Variants in OCEL1 observed in about 807,000 individuals in gnomAD.
OCEL1 encodes occludin/ELL domain containing 1.
Under a neutral mutation model 29.4 loss-of-function variants are expected in OCEL1, and 24 were observed. That is an observed-to-expected ratio of 0.82 (90% CI 0.59 to 1.15). OCEL1 has a LOEUF of 1.15. Ranked by LOEUF, OCEL1 falls within the 50% of genes most tolerant of loss-of-function variation. OCEL1 has a pLI of 0.00. For missense variants in OCEL1, 402 were observed against 352.5 expected, an observed-to-expected ratio of 1.14 and a Z score of -1.13; for synonymous variants, 172 against 145.3, an observed-to-expected ratio of 1.18 and a Z score of -1.32.
chr19:17,226,571 C>G (rs760321919), intron 1 of OCEL1, 122 bp from the exon 2 acceptor site: 1 of 1,126,670 alleles, frequency 8.9e-7, no homozygotes, highest in Non-Finnish European at 1.2e-6. Flanking sequence ...ATGCAAATAG[C>G]GGTCGTTCTG....
In OCEL1 at chr19:17,227,206, G is replaced by A. The variant is rs1160355255; in HGVS notation, c.452+7G>A. On this transcript the variant is annotated splice_region_variant and intron_variant, in intron 3 of 5. Coordinates refer to ENST00000215061, the MANE Select transcript of OCEL1 (RefSeq NM_024578.3). Reference sequence around the variant, plus strand: ...CAGTGCCCGACTATGAGCTGTGAGTGTCCCCCATGTGATTCTTCATGCCTG... The same window carrying A: ...CAGTGCCCGACTATGAGCTGTGAGTATCCCCCATGTGATTCTTCATGCCTG... 1.4e-6 allele frequency: 2 copies of A among 1,476,210 alleles called. No individual in the cohort carries two copies. The highest frequency in any genetic ancestry group is 2.6e-5 in the Admixed American group (1 of 38,802). 91.4% of individuals were successfully genotyped at this position (1,476,210 alleles called of 1,614,324 possible). A position where few individuals can be genotyped will look rare whatever the true frequency, so the allele number is the denominator to read the frequency against.
At position 17,226,712 on chromosome 19, in the gene OCEL1, C is replaced by A. The variant is rs761673169; in HGVS notation, c.89C>A (p.Pro30Gln). The change falls in exon 2 of 6, where the codon CCG (proline) becomes CAG (glutamine). Residue 30 changes from proline (P) to glutamine (Q), a missense_variant. Coordinates refer to ENST00000215061, the MANE Select transcript of OCEL1 (RefSeq NM_024578.3). ...TLGQAARRPP[P>Q]PRAGHDAPRR... The stretch of plus-strand genomic sequence containing the variant: ...CCACAGGCCGCCCGCAGACCACCCC[C>A]GCCGCGCGCGGGACACGACGCCCCC... 15 of 1,508,202 alleles carry A rather than the reference C, an allele frequency of 9.9e-6. No individual in the cohort carries two copies. Among genetic ancestry groups the A allele is most frequent in the East Asian group, 2.4e-5 (1 of 41,074 alleles). The allele number at this position is 1,508,202 out of a possible 1,614,324, so 93.4% of individuals were successfully genotyped here.
intron 3 of OCEL1, among the ~76,000 whole-genome samples, chr19:17,227,462 A>T (rs1033994852): frequency 6.6e-6 from 1 of 152,110 alleles, no homozygotes; most frequent in African/African-American, 2.4e-5. Flanking sequence ...AGGCTGAGGC[A>T]GGCGGATCAC....
At position 17,229,161 on chromosome 19, in the gene OCEL1, T is replaced by G; in HGVS notation, c.*236T>G. Reference sequence around the variant, plus strand: ...TACAGGGACTCCAGATCTCAACCTGTTCCCTGGAAGTAGGGCCTGCTCTCC... The same window carrying G: ...TACAGGGACTCCAGATCTCAACCTGGTCCCTGGAAGTAGGGCCTGCTCTCC... On this transcript the variant is annotated 3_prime_UTR_variant, in exon 6 of 6. Coordinates refer to ENST00000215061, the MANE Select transcript of OCEL1 (RefSeq NM_024578.3). 3 of 372,908 alleles carry G rather than the reference T, an allele frequency of 8.0e-6. No homozygotes were observed. The highest frequency in any genetic ancestry group is 1.5e-5 in the Non-Finnish European group (3 of 198,290). 23.1% of individuals were successfully genotyped at this position (372,908 alleles called of 1,614,324 possible). A position where few individuals can be genotyped will look rare whatever the true frequency, so the allele number is the denominator to read the frequency against.
chr19:17,226,401 C>G, intron 1 of OCEL1, 85 bp downstream of exon 1: 2 of 1,491,340 alleles, frequency 1.3e-6, no homozygotes, highest in East Asian at 2.4e-5. Context: ...CGTCTGTGGG[C>G]TCTGCGCGCC....
chr19:17,228,679 G>T, intron 5 of OCEL1, 124 bp from the exon 6 acceptor site: 1 of 1,373,688 alleles, frequency 7.3e-7, no homozygotes, highest in Non-Finnish European at 9.7e-7. Context: ...CGGCTCACCC[G>T]GTCGCCTGTG....
rs938744973 is a variant in OCEL1 at position 17,226,833 on chromosome 19, G to A, written c.210G>A (p.Gly70=). The part of the protein sequence containing the change: ...REPPKTRGSR[G]HLHTHPPGPG... The stretch of plus-strand genomic sequence containing the variant: ...CCCCAAAGACTCGCGGCTCCCGGGG[G>A]CACCTGCATACTCACCCGCCTGGGC... Residue 70 remains glycine, a synonymous_variant, in exon 2 of 6, where the codon GGG becomes GGA. Transcript: ENST00000215061. 3 of 1,575,438 alleles carry A rather than the reference G, an allele frequency of 1.9e-6. No homozygotes were observed. Among genetic ancestry groups the A allele is most frequent in the Admixed American group, 1.9e-5 (1 of 53,482 alleles).
chr19:17,227,254 G>C (rs1167353169), intron 3 of OCEL1, 55 bp downstream of exon 3: 2 of 1,406,848 alleles, frequency 1.4e-6, no homozygotes, highest in Non-Finnish European at 1.9e-6. Context: ...GGGCACTGAG[G>C]CTGGGGCTTT....
At chr19:17,226,618 C>T in intron 1 of OCEL1, 75 bp from the exon 2 acceptor site, 1 of 1,389,884 alleles carries the variant, frequency 7.2e-7, no homozygotes, top group Non-Finnish European at 9.4e-7. Context: ...GTTGGCCGCT[C>T]TTCGGCCGAG....
Position 17,229,007 on chromosome 19 carries a change from A to C in OCEL1, c.*82A>C. 1 of 1,510,116 alleles carries C rather than the reference A, an allele frequency of 6.6e-7. No individual in the cohort carries two copies. Among genetic ancestry groups the C allele is most frequent in the Non-Finnish European group, 8.9e-7 (1 of 1,118,540 alleles). 93.5% of individuals were successfully genotyped at this position (1,510,116 alleles called of 1,614,324 possible). A position where few individuals can be genotyped will look rare whatever the true frequency, so the allele number is the denominator to read the frequency against. On this transcript the variant is annotated 3_prime_UTR_variant, in exon 6 of 6. Coordinates refer to ENST00000215061, the MANE Select transcript of OCEL1 (RefSeq NM_024578.3). ...GGTATCTCTCAGCTTTTCCTCTTGC[A>C]GCTCCCCCTACCAGGGGTCGCTTTC...
chr19:17,228,146 G>A (rs2073379369), intron 4 of OCEL1, 110 bp from the exon 5 acceptor site: 1 of 1,531,522 alleles, frequency 6.5e-7, no homozygotes, highest in Non-Finnish European at 9.0e-7. Flanking sequence ...GCTAAGGTCA[G>A]CCCTTGAAGT....
chr19:17,226,959 C>A (rs1306839733), intron 2 of OCEL1, 35 bp from the exon 3 acceptor site: 3 of 1,544,846 alleles, frequency 1.9e-6, no homozygotes, highest in Admixed American at 4.3e-5. Context: ...TTCCCGACAC[C>A]CCGATTTAAC....
In OCEL1 at chr19:17,228,816, T is replaced by C. The variant is rs755828065; in HGVS notation, c.686T>C (p.Leu229Pro). ...CGCCCTGCCTAGGATCCTGGCTTCC[T>C]GGACAAGCAGGCTCGCTGCCACTAC... The part of the protein sequence containing the change: ...FEMKRMDPGF[L>P]DKQARCHYLK... Residue 229 changes from leucine to proline, a missense_variant, in exon 6 of 6, where the codon CTG becomes CCG. Coordinates refer to ENST00000215061, the MANE Select transcript of OCEL1 (RefSeq NM_024578.3). 6.2e-6 allele frequency: 10 copies of C among 1,613,258 alleles called. No individual in the cohort carries two copies. In the African/African-American group the frequency reaches 1.2e-4, roughly 19 times the overall value.
chr19:17,228,736 A>C, intron 5 of OCEL1, 67 bp from the exon 6 acceptor site: 1 of 1,561,382 alleles, frequency 6.4e-7, no homozygotes, highest in East Asian at 2.3e-5. Context: ...TGAAAGGCAG[A>C]GAGTTAAGCA....
chr19:17,227,164 T>C lies in OCEL1; in HGVS notation c.417T>C (p.His139=), dbSNP rs1283921544. 7.0e-6 allele frequency: 11 copies of C among 1,567,826 alleles called. No homozygotes were observed. The highest frequency in any genetic ancestry group is 9.5e-6 in the Non-Finnish European group (11 of 1,162,834). Reference sequence around the variant, plus strand: ...CTATTGGAGCCATCCCTAAGGGGCATAAGCCTAGGCCCCACCCAGTGCCCG... The same window carrying C: ...CTATTGGAGCCATCCCTAAGGGGCACAAGCCTAGGCCCCACCCAGTGCCCG... ...KKPIGAIPKG[H]KPRPHPVPDY... Residue 139 remains histidine, a synonymous_variant, in exon 3 of 6, where the codon CAT becomes CAC. Coordinates refer to ENST00000215061, the MANE Select transcript of OCEL1 (RefSeq NM_024578.3).
chr19:17,228,148 C>T, intron 4 of OCEL1, 108 bp from the exon 5 acceptor site: 2 of 1,527,258 alleles, frequency 1.3e-6, no homozygotes, highest in Non-Finnish European at 1.8e-6. Flanking sequence ...TAAGGTCAGC[C>T]CTTGAAGTCC....
rs1390659822 is a variant in OCEL1, at chr19:17,228,876, T to G, written c.746T>G (p.Ile249Ser). ...KGKLRHLKTQ[I>S]QKFDDQGDSE... is the part of the protein sequence containing the mutation. ...AAACTGAGGCATCTCAAGACTCAGA[T>G]CCAGAAATTCGATGACCAAGGAGAC... The change falls in exon 6 of 6, where the codon ATC becomes AGC. Residue 249 changes from isoleucine to serine, a missense_variant. By Grantham distance (142) the Ile-to-Ser change is moderately radical. Transcript: ENST00000215061. 3 of 1,613,884 alleles carry G rather than the reference T, an allele frequency of 1.9e-6. No homozygotes were observed. Among genetic ancestry groups the G allele is most frequent in the Middle Eastern group, 3.3e-4 (2 of 6,052 alleles).
intron 1 of OCEL1, 25 bp downstream of exon 1, chr19:17,226,341 G>C (rs757180108): frequency 1.2e-6 from 2 of 1,606,532 alleles, no homozygotes; most frequent in East Asian, 4.5e-5. Flanking sequence ...TAGCGAGCCG[G>C]ACGGCCTTGC....
rs1283777015 is a variant in OCEL1 at position 17,228,245 on chromosome 19, TC to T, written c.619-7del. 1 of 1,613,738 alleles carries T rather than the reference TC, an allele frequency of 6.2e-7. No individual in the cohort carries two copies. The highest frequency in any genetic ancestry group is 1.7e-5 in the Admixed American group (1 of 59,966). ...TCTCCCTAAACCCCCTTTCTACTCC[TC>T]CCCTTGCAGAAGGAGGCCCAAGTTG... On this transcript the variant is annotated splice_polypyrimidine_tract_variant and intron_variant, in intron 4 of 5. Transcript: ENST00000215061.
Sources: allele counts gnomAD v4.1 joint callset (sites outside exome capture counted in the v4.1 genomes callset), GRCh38; gene constraint gnomAD v4.1.1; transcripts MANE v1.5; gene names NCBI Gene and HGNC (gene_info 2026-07-23, HGNC 2026-07-21).